Variants in GINM1 observed in about 807,000 individuals in gnomAD.
GINM1 encodes the protein glycoprotein integral membrane protein 1.
A neutral mutation model predicts 37.8 loss-of-function variants in GINM1; 29 were observed. That is an observed-to-expected ratio of 0.77 (90% CI 0.57 to 1.05). The LOEUF (loss-of-function observed/expected upper bound fraction) is 1.05, where lower values mean the gene tolerates loss of function less well. Ranked by LOEUF, GINM1 falls within the 50% of genes least tolerant of loss-of-function variation. The pLI is 0.00. For missense variants in GINM1, 377 were observed against 397.9 expected (o/e 0.95, Z 0.45); for synonymous variants, 143 against 146.2 (o/e 0.98, Z 0.16).
Position 149,566,624 on chromosome 6 carries a change from CGGCGGGCAGGGG to C in GINM1, c.120+91_120+102del. 3 of 1,366,742 alleles carry C rather than the reference CGGCGGGCAGGGG, an allele frequency of 2.2e-6. No homozygotes were observed. The highest frequency in any genetic ancestry group is 1.9e-6 in the Non-Finnish European group (2 of 1,057,422). The allele number at this position is 1,366,742 out of a possible 1,614,324, so 84.7% of individuals were successfully genotyped here. ...CACAGTGACGCTTCCCACATCCCACCGGCGGGCAGGGGCGGGGGTCCGGGCCCCCGAAGGAGG... is the reference window on the plus strand; with the variant it reads ...CACAGTGACGCTTCCCACATCCCACCCGGGGGTCCGGGCCCCCGAAGGAGG... On this transcript the variant is annotated intron_variant, in intron 1 of 7. Transcript: ENST00000367419. The surrounding 1 kb of genome is among the most constrained non-coding windows in gnomAD (Gnocchi z 4.4).
chr6:149,584,100 C>T (rs1173818710), intron 7 of GINM1, among the ~76,000 whole-genome samples: 9 of 151,984 alleles, frequency 5.9e-5, no homozygotes, highest in African/African-American at 1.7e-4. Flanking sequence ...CTCAGCCTCC[C>T]GAGTAGCTGG....
At chr6:149,589,562 T>G (rs1778122834) in intron 7 of GINM1, among the ~76,000 whole-genome samples, 1 of 152,154 alleles carries the variant, frequency 6.6e-6, no homozygotes, top group Admixed American at 6.5e-5. Context: ...CATGAGCCAC[T>G]GCACCCAGCC....
chr6:149,572,270 A>G lies in GINM1; in HGVS notation c.121-15A>G. On this transcript the variant is annotated splice_polypyrimidine_tract_variant and intron_variant, in intron 1 of 7. Coordinates refer to ENST00000367419, the MANE Select transcript of GINM1 (RefSeq NM_138785.5). ...AGATGCACACCTTCCAATTTACACA[A>G]TACTTGTTTTACAGGACGGCATCAG... The G allele has an allele frequency of 6.4e-7, 1 of 1,552,102 alleles. No homozygotes were observed. The highest frequency in any genetic ancestry group is 8.8e-7 in the Non-Finnish European group (1 of 1,136,836).
intron 3 of GINM1, among the ~76,000 whole-genome samples, chr6:149,574,700 G>A (rs1027448003): frequency 1.3e-5 from 2 of 152,026 alleles, no homozygotes; most frequent in South Asian, 4.1e-4. Flanking sequence ...GACCAGCCTG[G>A]GCAACATAGG....
At position 149,573,683 on chromosome 6, in the gene GINM1, A is replaced by G. The variant is rs955302014; in HGVS notation, c.277+1080A>G. ...TGAGTTCGAGACCAGCCCGGGCAAC[A>G]TGGTAAAACCTTGTCTCTGCAAAAA... On this transcript the variant is annotated intron_variant, in intron 3 of 7. Coordinates refer to ENST00000367419, the MANE Select transcript of GINM1 (RefSeq NM_138785.5). Among the ~76,000 whole-genome samples, 9 of 152,052 alleles carry G rather than the reference A, an allele frequency of 5.9e-5. No homozygotes were observed. The East Asian group carries it at 7.7e-4, about 13-fold the overall frequency.
chr6:149,566,675 AC>A lies in GINM1; in HGVS notation c.120+145del. The stretch of plus-strand genomic sequence containing the variant: ...CCCCGAAGGAGGTGTGGGGAGAAGC[AC>A]CCCAGGAAATGGGGGCGGCGTGGGA... On this transcript the variant is annotated intron_variant, in intron 1 of 7. Coordinates refer to ENST00000367419, the MANE Select transcript of GINM1 (RefSeq NM_138785.5). The surrounding 1 kb of genome is among the most constrained non-coding windows in gnomAD (Gnocchi z 4.4). 1 of 1,180,988 alleles carries A rather than the reference AC, an allele frequency of 8.5e-7. No individual in the cohort carries two copies. The highest frequency in any genetic ancestry group is 1.1e-6 in the Non-Finnish European group (1 of 898,116). The allele number at this position is 1,180,988 out of a possible 1,614,324, so 73.2% of individuals were successfully genotyped here. A position where few individuals can be genotyped will look rare whatever the true frequency, so the allele number is the denominator to read the frequency against.
At chr6:149,588,738 C>T (rs1441412706) in intron 7 of GINM1, among the ~76,000 whole-genome samples, 1 of 152,062 alleles carries the variant, frequency 6.6e-6, no homozygotes, top group Admixed American at 6.6e-5. Context: ...AGCGATCCTC[C>T]TGCCTCAGCC....
chr6:149,581,402 G>A lies in GINM1; in HGVS notation c.717+679G>A, dbSNP rs1255597394. Among the ~76,000 whole-genome samples, 13 of 152,174 alleles carry A rather than the reference G, an allele frequency of 8.5e-5. No individual in the cohort carries two copies. The East Asian group carries it at 2.3e-3, about 27-fold the overall frequency. ...TCAAACTCCTGACTTCAAGTGATCC[G>A]CCCATCTTGGCCTCCCAAAGTGTTG... On this transcript the variant is annotated intron_variant, in intron 6 of 7. Coordinates refer to ENST00000367419, the MANE Select transcript of GINM1 (RefSeq NM_138785.5).
intron 3 of GINM1, among the ~76,000 whole-genome samples, chr6:149,576,845 A>C (rs571768671): frequency 1.3e-5 from 2 of 152,360 alleles, no homozygotes; most frequent in African/African-American, 4.8e-5. Context: ...ATTGCTATAA[A>C]GAAATACCTG....
rs767717775 is a variant in GINM1 at position 149,591,685 on chromosome 6, T to C, written c.*847T>C. 14 of 151,594 alleles carry C rather than the reference T, an allele frequency of 9.2e-5. No individual in the cohort carries two copies. The highest frequency in any genetic ancestry group is 1.9e-4 in the Non-Finnish European group (13 of 67,960). 9.4% of individuals were successfully genotyped at this position (151,594 alleles called of 1,614,324 possible). ...TACTTACCTTGAATGCTCCAAGATT[T>C]AAAAGTAGTATGACATGTTCTCACT... On this transcript the variant is annotated 3_prime_UTR_variant, in exon 8 of 8. Coordinates refer to ENST00000367419, the MANE Select transcript of GINM1 (RefSeq NM_138785.5).
chr6:149,583,611 G>A (rs1314749221), intron 7 of GINM1, among the ~76,000 whole-genome samples: 4 of 146,284 alleles, frequency 2.7e-5, no homozygotes, highest in Non-Finnish European at 6.0e-5. Flanking sequence ...CCTGGGAAAC[G>A]AGCAAAACTC....
intron 7 of GINM1, among the ~76,000 whole-genome samples, chr6:149,589,283 A>C (rs2115064321): frequency 1.3e-5 from 2 of 150,692 alleles, no homozygotes; most frequent in East Asian, 4.0e-4. Context: ...TTATTTATTT[A>C]TATATTTGAG....
intron 1 of GINM1, among the ~76,000 whole-genome samples, chr6:149,571,693 G>A (rs1486047635): frequency 1.3e-5 from 2 of 152,028 alleles, no homozygotes; most frequent in Admixed American, 6.6e-5. Flanking sequence ...TTTTATCCTC[G>A]GTGGTACTTA....
intron 4 of GINM1, 149 bp downstream of exon 4, chr6:149,579,122 ATTTAT>A (rs1347531333): frequency 6.5e-6 from 3 of 462,946 alleles, no homozygotes; most frequent in Non-Finnish European, 1.1e-5. Context: ...ATTTTTGTAT[ATTTAT>A]TTTAGCATTT....
At chr6:149,574,249 C>T (rs1777878704) in intron 3 of GINM1, among the ~76,000 whole-genome samples, 1 of 151,954 alleles carries the variant, frequency 6.6e-6, no homozygotes, top group Non-Finnish European at 1.5e-5. Context: ...TGGGGTTTCA[C>T]CATATTGGTC....
At chr6:149,583,298 A>G (rs1778026963) in intron 7 of GINM1, among the ~76,000 whole-genome samples, 1 of 152,152 alleles carries the variant, frequency 6.6e-6, no homozygotes. Context: ...CCCTGTCTCT[A>G]CTAAAAATAC....
intron 1 of GINM1, among the ~76,000 whole-genome samples, chr6:149,569,027 T>G (rs1378994566): frequency 2.0e-5 from 3 of 151,304 alleles, no homozygotes; most frequent in Non-Finnish European, 4.4e-5. Context: ...TATTTTTTTA[T>G]TTTTTGTTTT....
rs1191542245 is a variant in GINM1, at chr6:149,580,695, TCAGAG to T, written c.696_700del (p.Glu233AlafsTer5). 3 of 1,613,524 alleles carry T rather than the reference TCAGAG, an allele frequency of 1.9e-6. No individual in the cohort carries two copies. The African/African-American group carries it at 4.0e-5, about 22-fold the overall frequency. ...CCTGGCAAGTTACCTGAAACTCCTC[TCAGAG>T]CAGAGCCGCCATCTTCATATAAGGT... On this transcript the variant is annotated frameshift_variant, in exon 6 of 8. Coordinates refer to ENST00000367419, the MANE Select transcript of GINM1 (RefSeq NM_138785.5). LOFTEE classifies it high-confidence loss of function.
chr6:149,566,454 C>T lies in GINM1; in HGVS notation c.40C>T (p.Leu14=). 6.3e-7 allele frequency: 1 copy of T among 1,575,774 alleles called. No individual in the cohort carries two copies. The highest frequency in any genetic ancestry group is 8.5e-7 in the Non-Finnish European group (1 of 1,171,374). ...APPGSLALRL[L]LFVALPASGW... is the part of the protein sequence containing the mutation. Reference sequence around the variant, plus strand: ...ACCGGGGTCGCTCGCCCTCCGGCTCCTGCTGTTCGTGGCGCTACCCGCCTC... The same window carrying T: ...ACCGGGGTCGCTCGCCCTCCGGCTCTTGCTGTTCGTGGCGCTACCCGCCTC... Residue 14 remains leucine (L), a synonymous_variant, in exon 1 of 8, where the codon CTG becomes TTG. Transcript: ENST00000367419. The surrounding 1 kb of genome is among the most constrained non-coding windows in gnomAD (Gnocchi z 4.4).
Sources: gnomAD v4.1 joint callset for allele counts (sites outside exome capture counted in the v4.1 genomes callset) on GRCh38, gnomAD v4.1.1 for gene constraint, Gnocchi (gnomAD v3.1) non-coding constraint, MANE v1.5 for transcripts, NCBI Gene and HGNC (gene_info 2026-07-23, HGNC 2026-07-21) for gene names.